SLC7A5: variants seen among roughly 807,000 people sequenced by gnomAD.
SLC7A5 encodes the protein solute carrier family 7 member 5.
A neutral mutation model predicts 50.2 loss-of-function variants in SLC7A5; 23 were observed. That is an observed-to-expected ratio of 0.46 (90% CI 0.33 to 0.65). The LOEUF (loss-of-function observed/expected upper bound fraction) is 0.65, where lower values mean the gene tolerates loss of function less well. Ranked by LOEUF, SLC7A5 falls within the 30% of genes least tolerant of loss-of-function variation. SLC7A5 has a pLI of 0.02. For synonymous variants in SLC7A5, 393 were observed against 330.6 expected, an observed-to-expected ratio of 1.19 and a Z score of -2.05; for missense variants, 578 against 684.4, an observed-to-expected ratio of 0.84 and a Z score of 1.73.
intron 2 of SLC7A5, among the ~76,000 whole-genome samples, chr16:87,847,124 C>A (rs1349322712): frequency 6.6e-6 from 1 of 152,328 alleles, no homozygotes; most frequent in Middle Eastern, 3.4e-3. Context: ...TGGGTCCACG[C>A]ACACACTCAG....
In SLC7A5 at chr16:87,853,943, G is replaced by A. The variant is rs1273492711; in HGVS notation, c.539-2094C>T. On this transcript the variant is annotated intron_variant, in intron 1 of 9. Transcript: ENST00000261622. The surrounding 1 kb of genome is among the most constrained non-coding windows in gnomAD (Gnocchi z 4.4). ...CTGTCACGTCTGCTAGGGGGTTGGG[G>A]GGTCCAGGAAGGGCAGCGAGTTGCC... 2 of 152,774 alleles carry A rather than the reference G, an allele frequency of 1.3e-5. No individual in the cohort carries two copies. The highest frequency in any genetic ancestry group is 1.5e-5 in the Non-Finnish European group (1 of 68,584). 9.5% of individuals were successfully genotyped at this position (152,774 alleles called of 1,614,324 possible).
chr16:87,865,272 G>A (rs560824280), intron 1 of SLC7A5, among the ~76,000 whole-genome samples: 1 of 151,946 alleles, frequency 6.6e-6, no homozygotes, highest in Non-Finnish European at 1.5e-5. Flanking sequence ...AAGTACAAAT[G>A]GCTTAGGGAC....
intron 1 of SLC7A5, among the ~76,000 whole-genome samples, chr16:87,859,223 G>A (rs1432324102): frequency 2.0e-5 from 3 of 152,306 alleles, no homozygotes; most frequent in East Asian, 1.9e-4. Context: ...GACAGTGCCC[G>A]GGCCCTGCTC....
At position 87,836,593 on chromosome 16, in the gene SLC7A5, A is replaced by G; in HGVS notation, c.1195T>C (p.Phe399Leu). 2 of 1,613,742 alleles carry G rather than the reference A, an allele frequency of 1.2e-6. No homozygotes were observed. Among genetic ancestry groups the G allele is most frequent in the Non-Finnish European group, 1.7e-6 (2 of 1,180,028 alleles). The stretch of plus-strand genomic sequence containing the variant: ...CAGAGCCAGTTGAAGAAGCTGAAGA[A>G]GTTGATGACGGAGAAGATGTCCTTG... The part of the protein sequence containing the change: ...FSKDIFSVIN[F>L]FSFFNWLCVA... Residue 399 changes from phenylalanine (F) to leucine (L), a missense_variant, in exon 8 of 10, where the codon TTC (phenylalanine) becomes CTC (leucine). By Grantham distance (22) the Phe-to-Leu change is conservative (BLOSUM62 0). This residue lies in a region of SLC7A5 where 465 missense variants were observed against 594.6 expected (regional missense o/e 0.78). Transcript: ENST00000261622.
chr16:87,856,653 A>C (rs1597512115), intron 1 of SLC7A5, among the ~76,000 whole-genome samples: 1 of 152,106 alleles, frequency 6.6e-6, no homozygotes, highest in African/African-American at 2.4e-5. Flanking sequence ...GTCGGAATCC[A>C]CTCGGTACGC....
rs373732485 is a variant in SLC7A5, at chr16:87,848,438, C to A, written c.664+3286G>T. On this transcript the variant is annotated intron_variant, in intron 2 of 9. Coordinates refer to ENST00000261622, the MANE Select transcript of SLC7A5 (RefSeq NM_003486.7). ...CACCCTCTCCTTAGGCAACAGCCTG[C>A]GAGTGGACTCATGGGACGGTGGGTC... Among the ~76,000 whole-genome samples the A allele has an allele frequency of 3.5e-4, 54 of 152,344 alleles. 1 individual carries two copies. In the East Asian group the frequency reaches 8.3e-3, roughly 23 times the overall value.
chr16:87,834,656 G>A, intron 8 of SLC7A5, 65 bp from the exon 9 acceptor site: 2 of 1,533,766 alleles, frequency 1.3e-6, no homozygotes, highest in Non-Finnish European at 1.8e-6. Flanking sequence ...CATGCCCCGA[G>A]GTTCCTCAGC....
chr16:87,860,130 C>T lies in SLC7A5; in HGVS notation c.539-8281G>A, dbSNP rs528263252. Among the ~76,000 whole-genome samples, 3 of 152,006 alleles carry T rather than the reference C, an allele frequency of 2.0e-5. No homozygotes were observed. The highest frequency in any genetic ancestry group is 1.9e-4 in the East Asian group (1 of 5,154). ...GGCGGATCACCTGAGATCAAGAGTT[C>T]GAAACCAGCCTGACCAACATGGTGA... On this transcript the variant is annotated intron_variant, in intron 1 of 9. Coordinates refer to ENST00000261622, the MANE Select transcript of SLC7A5 (RefSeq NM_003486.7). This position sits in a 1 kb window ranked among gnomAD's most constrained non-coding sequence, Gnocchi z 4.8.
intron 1 of SLC7A5, among the ~76,000 whole-genome samples, chr16:87,868,474 AT>A (rs2055491090): frequency 6.6e-6 from 1 of 152,118 alleles, no homozygotes; most frequent in Non-Finnish European, 1.5e-5. Context: ...TTTAACTGCA[AT>A]TTCCTTCTCA....
In SLC7A5 at chr16:87,830,457, G is replaced by C. The variant is rs1339472202; in HGVS notation, c.*2513C>G. On this transcript the variant is annotated 3_prime_UTR_variant, in exon 10 of 10. Coordinates refer to ENST00000261622, the MANE Select transcript of SLC7A5 (RefSeq NM_003486.7). ...TTTGTCAGTGGAGTGTGGAGAAAAAGGGACGGAAAAATCAAGTCTTCTGAG... is the reference window on the plus strand; with the variant it reads ...TTTGTCAGTGGAGTGTGGAGAAAAACGGACGGAAAAATCAAGTCTTCTGAG... The C allele has an allele frequency of 1.3e-5, 2 of 152,302 alleles. No homozygotes were observed. Among genetic ancestry groups the C allele is most frequent in the African/African-American group, 4.8e-5 (2 of 41,466 alleles). 9.4% of individuals were successfully genotyped at this position (152,302 alleles called of 1,614,324 possible).
chr16:87,863,471 G>C (rs2055423470), intron 1 of SLC7A5: 1 of 152,190 alleles, frequency 6.6e-6, no homozygotes, highest in Admixed American at 6.5e-5. Context: ...AGCATCGCTT[G>C]AATTTCCAGT....
intron 1 of SLC7A5, among the ~76,000 whole-genome samples, chr16:87,864,006 T>TATATATATATATATATATATATATATATA (rs1367195610): frequency 7.0e-6 from 1 of 142,976 alleles, no homozygotes; most frequent in Non-Finnish European, 1.5e-5. Context: ...TATATATATA[T>TATATATATATATATATATATATATATATA]ATCAGCCGAG....
At chr16:87,863,986 A>AAAAAAAAAAATATAT (rs376938738) in intron 1 of SLC7A5, among the ~76,000 whole-genome samples, 21 of 83,278 alleles carry the variant, frequency 2.5e-4, no homozygotes, top group African/African-American at 7.8e-4. Context: ...ATCATTTAAA[A>AAAAAAAAAAATATAT]ATATATATAT....
At chr16:87,854,761 G>C (rs1436337534) in intron 1 of SLC7A5, among the ~76,000 whole-genome samples, 1 of 152,374 alleles carries the variant, frequency 6.6e-6, no homozygotes, top group South Asian at 2.1e-4. Context: ...TGAGCTGGGG[G>C]CCCCTCCCAG....
intron 2 of SLC7A5, among the ~76,000 whole-genome samples, chr16:87,844,322 T>C (rs2055120666): frequency 1.3e-5 from 2 of 152,080 alleles, no homozygotes; most frequent in South Asian, 4.1e-4. Context: ...GTCAGCAGGA[T>C]TCCCCCGAGA....
chr16:87,832,026 T>C lies in SLC7A5; in HGVS notation c.*944A>G, dbSNP rs2054941377. ...GCCGGGCGGTACAGAGGCCAATGCA[T>C]TGGAGGCTGAGGGTAGCTGCGACCT... On this transcript the variant is annotated 3_prime_UTR_variant, in exon 10 of 10. Transcript: ENST00000261622. The surrounding 1 kb of genome is among the most constrained non-coding windows in gnomAD (Gnocchi z 4.6). 1 of 152,270 alleles carries C rather than the reference T, an allele frequency of 6.6e-6. No homozygotes were observed. Among genetic ancestry groups the C allele is most frequent in the South Asian group, 2.1e-4 (1 of 4,828 alleles). The allele number at this position is 152,270 out of a possible 1,614,324, so 9.4% of individuals were successfully genotyped here.
intron 1 of SLC7A5, among the ~76,000 whole-genome samples, chr16:87,867,931 C>T (rs551201715): frequency 2.1e-4 from 32 of 151,976 alleles, no homozygotes; most frequent in African/African-American, 6.5e-4. Context: ...CTGGCTAACA[C>T]GGTGAAACGC....
chr16:87,860,107 C>A lies in SLC7A5; in HGVS notation c.539-8258G>T, dbSNP rs542469199. On this transcript the variant is annotated intron_variant, in intron 1 of 9. Coordinates refer to ENST00000261622, the MANE Select transcript of SLC7A5 (RefSeq NM_003486.7). This position sits in a 1 kb window ranked among gnomAD's most constrained non-coding sequence, Gnocchi z 4.8. The stretch of plus-strand genomic sequence containing the variant: ...CAGCACTTTGGGAAGCCAAGGTGGG[C>A]GGATCACCTGAGATCAAGAGTTCGA... Among the ~76,000 whole-genome samples the A allele has an allele frequency of 6.6e-6, 1 of 151,826 alleles. No homozygotes were observed. Among genetic ancestry groups the A allele is most frequent in the African/African-American group, 2.4e-5 (1 of 41,272 alleles).
chr16:87,833,533 T>C lies in SLC7A5; in HGVS notation c.1469-508A>G, dbSNP rs1010776830. Among the ~76,000 whole-genome samples the C allele has an allele frequency of 6.6e-6, 1 of 152,210 alleles. No individual in the cohort carries two copies. Among genetic ancestry groups the C allele is most frequent in the Admixed American group, 6.5e-5 (1 of 15,286 alleles). ...TGCTTTCAGGATAGAGACGGGGGTTTGCTTTAAGCTCTTGGTGTCCTGAAT... is the reference window on the plus strand; with the variant it reads ...TGCTTTCAGGATAGAGACGGGGGTTCGCTTTAAGCTCTTGGTGTCCTGAAT... On this transcript the variant is annotated intron_variant, in intron 9 of 9. Transcript: ENST00000261622. This position sits in a 1 kb window ranked among gnomAD's most constrained non-coding sequence, Gnocchi z 6.0.
Sources: allele counts gnomAD v4.1 joint callset (sites outside exome capture counted in the v4.1 genomes callset), GRCh38; gene constraint gnomAD v4.1.1; regional missense constraint gnomAD v4.1.1; non-coding constraint Gnocchi (gnomAD v3.1); transcripts MANE v1.5; gene names NCBI Gene and HGNC (gene_info 2026-07-23, HGNC 2026-07-21).